PSMB2: variants seen among roughly 807,000 people sequenced by gnomAD.
PSMB2 encodes proteasome 20S subunit beta 2.
In PSMB2, 13 loss-of-function variants were observed where a neutral mutation model predicts 25.7. The observed-to-expected ratio is 0.51, with a 90% CI of 0.33 to 0.80. The LOEUF (loss-of-function observed/expected upper bound fraction) is 0.80, where lower values mean the gene tolerates loss of function less well. Ranked by LOEUF, PSMB2 falls within the 30% of genes least tolerant of loss-of-function variation. The pLI, the probability that PSMB2 is intolerant of heterozygous loss-of-function variation, is 0.02. For synonymous variants in PSMB2, 87 were observed against 96.2 expected (o/e 0.90, Z 0.56); for missense variants, 202 against 259.0 (o/e 0.78, Z 1.51).
At chr1:35,630,260 T>C (rs1027351900) in intron 3 of PSMB2, among the ~76,000 whole-genome samples, 8 of 152,346 alleles carry the variant, frequency 5.3e-5, no homozygotes, top group Middle Eastern at 3.4e-3. Flanking sequence ...GTCACAGGTA[T>C]TAAGTAATAT....
At chr1:35,622,846 T>A (rs564385920) in intron 3 of PSMB2, among the ~76,000 whole-genome samples, 14 of 151,256 alleles carry the variant, frequency 9.3e-5, no homozygotes, top group South Asian at 6.3e-4. Context: ...GAAAAAAAAA[T>A]TTCCTGATAA....
chr1:35,605,976 C>T (rs115985919), intron 4 of PSMB2, among the ~76,000 whole-genome samples: 2,279 of 152,140 alleles, frequency 0.015, 62 homozygotes, highest in African/African-American at 0.051. Context: ...TAAGGTTGAG[C>T]GAGAGGGCAG....
chr1:35,641,291 T>C (rs890417009), intron 1 of PSMB2, 51 bp downstream of exon 1: 38 of 1,609,586 alleles, frequency 2.4e-5, no homozygotes, highest in Non-Finnish European at 3.1e-5. Context: ...AAACTCCTTC[T>C]GGCCGCTCCT....
intron 3 of PSMB2, among the ~76,000 whole-genome samples, chr1:35,628,931 A>G (rs1651000213): frequency 6.6e-6 from 1 of 152,124 alleles, no homozygotes. Flanking sequence ...CTCAAACCAT[A>G]ATAAAAATAT....
intron 3 of PSMB2, among the ~76,000 whole-genome samples, chr1:35,615,042 G>A (rs1391905199): frequency 6.6e-6 from 1 of 152,156 alleles, no homozygotes; most frequent in Non-Finnish European, 1.5e-5. Context: ...CATGTAAAGT[G>A]CTCAGTGCAA....
At position 35,636,325 on chromosome 1, in the gene PSMB2, A is replaced by G; in HGVS notation, c.199T>C (p.Tyr67His). 3.1e-6 allele frequency: 5 copies of G among 1,614,128 alleles called. No homozygotes were observed. The highest frequency in any genetic ancestry group is 4.2e-6 in the Non-Finnish European group (5 of 1,180,004). ...AEYIQKNVQL[Y>H]KMRNGYELSP... Reference sequence around the variant, plus strand: ...TCTTACCCACCATTTCGCATCTTATAAAGTTGCACGTTTTTCTGAATATAT... The same window carrying G: ...TCTTACCCACCATTTCGCATCTTATGAAGTTGCACGTTTTTCTGAATATAT... The change falls in exon 2 of 6, where the codon TAT (tyrosine) becomes CAT (histidine). Residue 67 changes from tyrosine (Y) to histidine (H), a missense_variant. Transcript: ENST00000373237.
At chr1:35,619,490 T>G (rs80321716) in intron 3 of PSMB2, among the ~76,000 whole-genome samples, 3,077 of 152,318 alleles carry the variant, frequency 0.02, 88 homozygotes, top group East Asian at 0.061. Context: ...AGGACAGTAC[T>G]GCTTGCTTGA....
At chr1:35,640,348 T>C (rs1485838349) in intron 1 of PSMB2, among the ~76,000 whole-genome samples, 2 of 152,118 alleles carry the variant, frequency 1.3e-5, no homozygotes, top group Non-Finnish European at 2.9e-5. Context: ...TCCCGACAAG[T>C]TTGTGAGTTT....
chr1:35,627,974 A>G (rs1354823701), intron 3 of PSMB2, among the ~76,000 whole-genome samples: 1 of 152,220 alleles, frequency 6.6e-6, no homozygotes, highest in African/African-American at 2.4e-5. Flanking sequence ...GAAGTTATAC[A>G]TGGTAACTGG....
At chr1:35,636,174 C>T in intron 2 of PSMB2, 136 bp downstream of exon 2, 3 of 1,099,332 alleles carry the variant, frequency 2.7e-6, no homozygotes, top group Non-Finnish European at 2.5e-6. Flanking sequence ...ACGCTGCCAA[C>T]ACCTTAATCT....
At chr1:35,614,646 A>C (rs1650443038) in intron 3 of PSMB2, among the ~76,000 whole-genome samples, 1 of 152,238 alleles carries the variant, frequency 6.6e-6, no homozygotes, top group Admixed American at 6.5e-5. Context: ...ACATTCATCC[A>C]AGTGAACCCA....
At chr1:35,634,700 C>T (rs1469553339) in intron 2 of PSMB2, among the ~76,000 whole-genome samples, 3 of 151,852 alleles carry the variant, frequency 2.0e-5, no homozygotes, top group Non-Finnish European at 4.4e-5. Context: ...CTTTTAAACT[C>T]AAACCACATC....
In PSMB2 at chr1:35,601,731, G is replaced by A. The variant is rs148927605; in HGVS notation, c.*1536C>T. 76 of 985,322 alleles carry A rather than the reference G, an allele frequency of 7.7e-5. No individual in the cohort carries two copies. In the East Asian group the frequency reaches 7.2e-3, roughly 93 times the overall value. 61.0% of individuals were successfully genotyped at this position (985,322 alleles called of 1,614,324 possible). ...GGATAAAGTAGGGTTTATCTTAGTCGGAGACCAAATGGTTTTGATATGTGG... is the reference window on the plus strand; with the variant it reads ...GGATAAAGTAGGGTTTATCTTAGTCAGAGACCAAATGGTTTTGATATGTGG... On this transcript the variant is annotated 3_prime_UTR_variant, in exon 6 of 6. Coordinates refer to ENST00000373237, the MANE Select transcript of PSMB2 (RefSeq NM_002794.5).
intron 2 of PSMB2, among the ~76,000 whole-genome samples, chr1:35,635,828 CAAAAAAAAAAAAAAAAA>C (rs1163061850): frequency 5.8e-5 from 2 of 34,242 alleles, no homozygotes; most frequent in East Asian, 1.5e-3. Flanking sequence ...GACTCCGTCT[CAAAAAAAAAAAAAAAAA>C]AAAAAAAGAA....
intron 4 of PSMB2, among the ~76,000 whole-genome samples, chr1:35,607,259 G>A (rs774682074): frequency 2.6e-5 from 4 of 152,050 alleles, no homozygotes; most frequent in Non-Finnish European, 5.9e-5. Context: ...CTACAGAATG[G>A]GAGAAAATAC....
intron 1 of PSMB2, 139 bp downstream of exon 1, chr1:35,641,203 A>T: frequency 8.9e-7 from 1 of 1,124,628 alleles, no homozygotes; most frequent in Non-Finnish European, 1.2e-6. Context: ...AAAATAAATA[A>T]ATAAATAAAA....
intron 1 of PSMB2, among the ~76,000 whole-genome samples, chr1:35,640,829 C>G (rs772272034): frequency 1.3e-5 from 2 of 152,174 alleles, no homozygotes; most frequent in Non-Finnish European, 2.9e-5. Flanking sequence ...TTAGGCAACT[C>G]TCACCAAGCA....
intron 5 of PSMB2, 114 bp from the exon 6 acceptor site, chr1:35,603,488 C>T (rs960161968): frequency 1.8e-5 from 23 of 1,289,178 alleles, no homozygotes; most frequent in Admixed American, 2.4e-5. Context: ...TTTTGTGGAA[C>T]TGATATTCTA....
intron 2 of PSMB2, among the ~76,000 whole-genome samples, chr1:35,633,551 C>T (rs1651161047): frequency 6.6e-6 from 1 of 152,312 alleles, no homozygotes; most frequent in South Asian, 2.1e-4. Context: ...ACTCTTGCTA[C>T]TCTTGTTCAC....
Sources: allele counts gnomAD v4.1 joint callset (sites outside exome capture counted in the v4.1 genomes callset), GRCh38; gene constraint gnomAD v4.1.1; transcripts MANE v1.5; gene names NCBI Gene and HGNC (gene_info 2026-07-23, HGNC 2026-07-21).